Variants in SLC2A4 observed in about 807,000 individuals in gnomAD.
SLC2A4 encodes the protein solute carrier family 2, facilitated glucose transporter member 4.
SLC2A4 carries 31 observed loss-of-function variants against 53.3 expected under a neutral mutation model. The observed-to-expected ratio is 0.58, with a 90% CI of 0.44 to 0.78. The LOEUF is 0.78. Among genes scored for constraint, SLC2A4 ranks in the 30% least tolerant of loss-of-function variants. SLC2A4 has a pLI of 0.00. For synonymous variants in SLC2A4, 276 were observed against 281.9 expected (o/e 0.98, Z 0.21); for missense variants, 538 against 655.7 (o/e 0.82, Z 1.96).
At position 7,286,800 on chromosome 17, in the gene SLC2A4, T is replaced by G; in HGVS notation, c.*171T>G. On this transcript the variant is annotated 3_prime_UTR_variant, in exon 11 of 11. Transcript: ENST00000317370. Reference sequence around the variant, plus strand: ...GAAGGGTGGTCTGAGCACCCCCTCATTCCCCTCGTGTGACTCTCTTGGATT... The same window carrying G: ...GAAGGGTGGTCTGAGCACCCCCTCAGTCCCCTCGTGTGACTCTCTTGGATT... The G allele has an allele frequency of 1.5e-6, 1 of 660,272 alleles. No individual in the cohort carries two copies. The highest frequency in any genetic ancestry group is 2.7e-6 in the Non-Finnish European group (1 of 374,130). The allele number at this position is 660,272 out of a possible 1,614,324, so 40.9% of individuals were successfully genotyped here. A position where few individuals can be genotyped will look rare whatever the true frequency, so the allele number is the denominator to read the frequency against.
At position 7,285,729 on chromosome 17, in the gene SLC2A4, G is replaced by C. The variant is rs121434581; in HGVS notation, c.1147G>C (p.Val383Leu). The part of the protein sequence containing the change: ...LLERVPAMSY[V>L]SIVAIFGFVA... Reference sequence around the variant, plus strand: ...GGAGCGAGTTCCAGCCATGAGCTACGTCTCCATTGTGGCCATCTTTGGCTT... The same window carrying C: ...GGAGCGAGTTCCAGCCATGAGCTACCTCTCCATTGTGGCCATCTTTGGCTT... The change falls in exon 10 of 11, where the codon GTC becomes CTC. Residue 383 changes from valine to leucine, a missense_variant. By Grantham distance (32) the Val-to-Leu change is conservative. Transcript: ENST00000317370. The surrounding 1 kb of genome is among the most constrained non-coding windows in gnomAD (Gnocchi z 6.0). 2 of 1,614,190 alleles carry C rather than the reference G, an allele frequency of 1.2e-6. No homozygotes were observed. Among genetic ancestry groups the C allele is most frequent in the Non-Finnish European group, 1.7e-6 (2 of 1,180,046 alleles).
In SLC2A4 at chr17:7,285,060, T is replaced by G. The variant is rs1449533971; in HGVS notation, c.1021-28T>G. On this transcript the variant is annotated intron_variant, in intron 8 of 10. Transcript: ENST00000317370. This position sits in a 1 kb window ranked among gnomAD's most constrained non-coding sequence, Gnocchi z 6.0. ...CTCCTACTTCCCGTGCCCAAAAGGC[T>G]GGGGTCAAGCTCCGACTCTCCCCGC... 1 of 1,609,236 alleles carries G rather than the reference T, an allele frequency of 6.2e-7. No homozygotes were observed. Among genetic ancestry groups the G allele is most frequent in the Non-Finnish European group, 8.5e-7 (1 of 1,178,224 alleles).
chr17:7,282,669 C>T lies in SLC2A4; in HGVS notation c.34-576C>T, dbSNP rs1034294899. Among the ~76,000 whole-genome samples the T allele has an allele frequency of 6.6e-6, 1 of 152,232 alleles. No homozygotes were observed. The highest frequency in any genetic ancestry group is 2.4e-5 in the African/African-American group (1 of 41,458). On this transcript the variant is annotated intron_variant, in intron 1 of 10. Coordinates refer to ENST00000317370, the MANE Select transcript of SLC2A4 (RefSeq NM_001042.3). This position sits in a 1 kb window ranked among gnomAD's most constrained non-coding sequence, Gnocchi z 4.1. Reference sequence around the variant, plus strand: ...ATAGAGAAGGCCACCCCTAGATGACCGGGATGTCCTTTCTGGAACAGCACT... The same window carrying T: ...ATAGAGAAGGCCACCCCTAGATGACTGGGATGTCCTTTCTGGAACAGCACT...
Position 7,283,269 on chromosome 17 carries a change from G to C in SLC2A4, c.58G>C (p.Val20Leu), listed in dbSNP as rs1230951912. ...SEDGEPPQQR[V>L]TGTLVLAVFS... The stretch of plus-strand genomic sequence containing the variant: ...GGATGGGGAACCCCCTCAGCAGCGA[G>C]TGACTGGGACCCTGGTCCTTGCTGT... The change falls in exon 2 of 11, where the codon GTG (valine) becomes CTG (leucine). Residue 20 changes from valine (V) to leucine (L), a missense_variant. Transcript: ENST00000317370. This position sits in a 1 kb window ranked among gnomAD's most constrained non-coding sequence, Gnocchi z 5.8. 2 of 1,614,040 alleles carry C rather than the reference G, an allele frequency of 1.2e-6. No homozygotes were observed. Among genetic ancestry groups the C allele is most frequent in the African/African-American group, 2.7e-5 (2 of 74,922 alleles).
At position 7,286,531 on chromosome 17, in the gene SLC2A4, C is replaced by A. The variant is rs771389905; in HGVS notation, c.1432C>A (p.Gln478Lys). 4 of 1,614,070 alleles carry A rather than the reference C, an allele frequency of 2.5e-6. No individual in the cohort carries two copies. The highest frequency in any genetic ancestry group is 3.4e-6 in the Non-Finnish European group (4 of 1,180,044). Residue 478 changes from glutamine (Q) to lysine (K), a missense_variant, in exon 11 of 11, where the codon CAG (glutamine) becomes AAG (lysine). Transcript: ENST00000317370. ...TGAAACTCGAGGCCGGACGTTTGAC[C>A]AGATCTCAGCTGCCTTCCACCGGAC... ...VPETRGRTFD[Q>K]ISAAFHRTPS... is the part of the protein sequence containing the mutation.
In SLC2A4 at chr17:7,285,982, C is replaced by A; in HGVS notation, c.1326+74C>A. The A allele has an allele frequency of 7.3e-7, 1 of 1,362,236 alleles. No homozygotes were observed. Among genetic ancestry groups the A allele is most frequent in the Non-Finnish European group, 1.0e-6 (1 of 977,568 alleles). 84.4% of individuals were successfully genotyped at this position (1,362,236 alleles called of 1,614,324 possible). ...TCACACAGCTAGCCCACCTGCTTCC[C>A]CGTCAGGGACTCCTCCAGCCACAGA... On this transcript the variant is annotated intron_variant, in intron 10 of 10. Transcript: ENST00000317370. The surrounding 1 kb of genome is among the most constrained non-coding windows in gnomAD (Gnocchi z 6.0).
chr17:7,281,834 C>T lies in SLC2A4; in HGVS notation c.-101C>T, dbSNP rs1335883829. On this transcript the variant is annotated 5_prime_UTR_variant, in exon 1 of 11. Transcript: ENST00000317370. Reference sequence around the variant, plus strand: ...CCCTCGCACGTCACTCCGGGACCCCCGCGGCCTCCGCAGGTTCTGCGCTCC... The same window carrying T: ...CCCTCGCACGTCACTCCGGGACCCCTGCGGCCTCCGCAGGTTCTGCGCTCC... 2 of 1,279,050 alleles carry T rather than the reference C, an allele frequency of 1.6e-6. No individual in the cohort carries two copies. Among genetic ancestry groups the T allele is most frequent in the Non-Finnish European group, 2.2e-6 (2 of 899,818 alleles). The allele number at this position is 1,279,050 out of a possible 1,614,324, so 79.2% of individuals were successfully genotyped here.
chr17:7,285,416 G>A lies in SLC2A4; in HGVS notation c.1122+227G>A, dbSNP rs2072441409. Among the ~76,000 whole-genome samples the A allele has an allele frequency of 6.6e-6, 1 of 152,220 alleles. No individual in the cohort carries two copies. The highest frequency in any genetic ancestry group is 1.5e-5 in the Non-Finnish European group (1 of 68,034). ...AGCTGTGGCACAACTCTGGCAGCCA[G>A]GAGGGAGAGCCCCTGTCAAGCCTCA... On this transcript the variant is annotated intron_variant, in intron 9 of 10. Coordinates refer to ENST00000317370, the MANE Select transcript of SLC2A4 (RefSeq NM_001042.3). The surrounding 1 kb of genome is among the most constrained non-coding windows in gnomAD (Gnocchi z 6.0).
chr17:7,285,744 A>G lies in SLC2A4; in HGVS notation c.1162A>G (p.Ile388Val). 6.2e-7 allele frequency: 1 copy of G among 1,614,222 alleles called. No homozygotes were observed. The highest frequency in any genetic ancestry group is 8.5e-7 in the Non-Finnish European group (1 of 1,180,038). Reference protein sequence around the residue: ...PAMSYVSIVAIFGFVAFFEIG... With the variant: ...PAMSYVSIVAVFGFVAFFEIG... ...CATGAGCTACGTCTCCATTGTGGCC[A>G]TCTTTGGCTTCGTGGCATTTTTTGA... is the stretch of plus-strand genomic sequence containing the variant. The change falls in exon 10 of 11, where the codon ATC becomes GTC. Residue 388 changes from isoleucine to valine, a missense_variant. Physicochemically the swap from Ile to Val is conservative, Grantham distance 29. Coordinates refer to ENST00000317370, the MANE Select transcript of SLC2A4 (RefSeq NM_001042.3). The surrounding 1 kb of genome is among the most constrained non-coding windows in gnomAD (Gnocchi z 6.0).
chr17:7,286,207 G>A (rs1285474686), intron 10 of SLC2A4: 3 of 656,742 alleles, frequency 4.6e-6, no homozygotes, highest in Non-Finnish European at 5.4e-6. Flanking sequence ...AGTAACTGAG[G>A]ATGGTGAAGA....
rs1038239974 is a variant in SLC2A4, at chr17:7,283,060, G to T, written c.34-185G>T. ...CATCCAGTTTCTCCTTTATGCCCAGGTTGCAGTTCAGCTCCTGTTTACATT... is the reference window on the plus strand; with the variant it reads ...CATCCAGTTTCTCCTTTATGCCCAGTTTGCAGTTCAGCTCCTGTTTACATT... On this transcript the variant is annotated intron_variant, in intron 1 of 10. Transcript: ENST00000317370. The surrounding 1 kb of genome is among the most constrained non-coding windows in gnomAD (Gnocchi z 5.8). 1.2e-5 allele frequency: 8 copies of T among 694,662 alleles called. No individual in the cohort carries two copies. Among genetic ancestry groups the T allele is most frequent in the Non-Finnish European group, 1.1e-5 (4 of 377,496 alleles). 43.0% of individuals were successfully genotyped at this position (694,662 alleles called of 1,614,324 possible).
In SLC2A4 at chr17:7,287,163, C is replaced by T. The variant is rs770097916; in HGVS notation, c.*534C>T. 6.8e-6 allele frequency: 1 copy of T among 148,134 alleles called. No homozygotes were observed. The highest frequency in any genetic ancestry group is 1.9e-4 in the South Asian group (1 of 5,322). 9.2% of individuals were successfully genotyped at this position (148,134 alleles called of 1,614,324 possible). On this transcript the variant is annotated 3_prime_UTR_variant, in exon 11 of 11. Coordinates refer to ENST00000317370, the MANE Select transcript of SLC2A4 (RefSeq NM_001042.3). ...TTTTTTTGAGACAGTCTCGCTCTGT[C>T]GCCCAGGCTCGAGTGCAGTGGCGTG...
At position 7,286,854 on chromosome 17, in the gene SLC2A4, A is replaced by G; in HGVS notation, c.*225A>G. ...TATGTGTTGTGGTTTGGCCGTGGCC[A>G]TCAGGGTGGGCCACTCTCCCCTCCC... On this transcript the variant is annotated 3_prime_UTR_variant, in exon 11 of 11. Transcript: ENST00000317370. 1.9e-6 allele frequency: 1 copy of G among 535,122 alleles called. No individual in the cohort carries two copies. Among genetic ancestry groups the G allele is most frequent in the Non-Finnish European group, 3.4e-6 (1 of 295,112 alleles). The allele number at this position is 535,122 out of a possible 1,614,324, so 33.1% of individuals were successfully genotyped here.
Position 7,282,327 on chromosome 17 carries a change from T to C in SLC2A4, c.33+360T>C, listed in dbSNP as rs933438131. 1 of 497,674 alleles carries C rather than the reference T, an allele frequency of 2.0e-6. No homozygotes were observed. The highest frequency in any genetic ancestry group is 3.9e-6 in the Non-Finnish European group (1 of 254,680). 30.8% of individuals were successfully genotyped at this position (497,674 alleles called of 1,614,324 possible). On this transcript the variant is annotated intron_variant, in intron 1 of 10. Coordinates refer to ENST00000317370, the MANE Select transcript of SLC2A4 (RefSeq NM_001042.3). This position sits in a 1 kb window ranked among gnomAD's most constrained non-coding sequence, Gnocchi z 4.1. ...TTGCCCTCCGGGAGCTGTCCGTCCG[T>C]CTTCGCTCACGGGCAGTGTTTCGAG...
In SLC2A4 at chr17:7,284,754, C is replaced by T. The variant is rs970296991; in HGVS notation, c.916-81C>T. The T allele has an allele frequency of 6.2e-7, 1 of 1,610,532 alleles. No homozygotes were observed. Among genetic ancestry groups the T allele is most frequent in the African/African-American group, 1.3e-5 (1 of 75,004 alleles). On this transcript the variant is annotated intron_variant, in intron 7 of 10. Coordinates refer to ENST00000317370, the MANE Select transcript of SLC2A4 (RefSeq NM_001042.3). This position sits in a 1 kb window ranked among gnomAD's most constrained non-coding sequence, Gnocchi z 7.5. ...GGGAGCAAACCCCCTCCACCAACACCCAGGGTAGGGCCAGCCTGTTGTGGC... is the reference window on the plus strand; with the variant it reads ...GGGAGCAAACCCCCTCCACCAACACTCAGGGTAGGGCCAGCCTGTTGTGGC...
chr17:7,285,722 G>A lies in SLC2A4; in HGVS notation c.1140G>A (p.Met380Ile). The change falls in exon 10 of 11, where the codon ATG (methionine) becomes ATA (isoleucine). Residue 380 changes from methionine to isoleucine, a missense_variant. Coordinates refer to ENST00000317370, the MANE Select transcript of SLC2A4 (RefSeq NM_001042.3). This position sits in a 1 kb window ranked among gnomAD's most constrained non-coding sequence, Gnocchi z 6.0. Reference protein sequence around the residue: ...ALLLLERVPAMSYVSIVAIFG... With the variant: ...ALLLLERVPAISYVSIVAIFG... ...GCCCCTAGGAGCGAGTTCCAGCCAT[G>A]AGCTACGTCTCCATTGTGGCCATCT... 2.5e-6 allele frequency: 4 copies of A among 1,614,210 alleles called. No homozygotes were observed. Among genetic ancestry groups the A allele is most frequent in the Non-Finnish European group, 3.4e-6 (4 of 1,180,040 alleles).
rs2072411311 is a variant in SLC2A4, at chr17:7,282,500, G to T, written c.33+533G>T. 3 of 426,668 alleles carry T rather than the reference G, an allele frequency of 7.0e-6. No individual in the cohort carries two copies. The highest frequency in any genetic ancestry group is 1.4e-5 in the Non-Finnish European group (3 of 210,906). The allele number at this position is 426,668 out of a possible 1,614,324, so 26.4% of individuals were successfully genotyped here. On this transcript the variant is annotated intron_variant, in intron 1 of 10. Coordinates refer to ENST00000317370, the MANE Select transcript of SLC2A4 (RefSeq NM_001042.3). This position sits in a 1 kb window ranked among gnomAD's most constrained non-coding sequence, Gnocchi z 4.1. ...TCAGGTTTCCGCTTGGAGACAGTCT[G>T]TGCCGCCAGCGAGCGGCCACCACTG... is the stretch of plus-strand genomic sequence containing the variant.
chr17:7,284,456 C>T lies in SLC2A4; in HGVS notation c.728-29C>T, dbSNP rs1258433545. 6.2e-7 allele frequency: 1 copy of T among 1,614,126 alleles called. No individual in the cohort carries two copies. Among genetic ancestry groups the T allele is most frequent in the Non-Finnish European group, 8.5e-7 (1 of 1,179,954 alleles). ...GCTAGCACCTGGCTTCCTCTCAGGT[C>T]CCCTCAGGCCTGACCTTCCCTTCTC... On this transcript the variant is annotated intron_variant, in intron 6 of 10. Transcript: ENST00000317370. This position sits in a 1 kb window ranked among gnomAD's most constrained non-coding sequence, Gnocchi z 7.5.
Position 7,286,515 on chromosome 17 carries a change from AG to A in SLC2A4, c.1418del (p.Gly473AlafsTer18). On this transcript the variant is annotated frameshift_variant, in exon 11 of 11. Coordinates refer to ENST00000317370, the MANE Select transcript of SLC2A4 (RefSeq NM_001042.3). LOFTEE classifies it high-confidence loss of function. ...CCTTCTTAAGAGTACCTGAAACTCGAGGCCGGACGTTTGACCAGATCTCAGC... is the reference window on the plus strand; with the variant it reads ...CCTTCTTAAGAGTACCTGAAACTCGAGCCGGACGTTTGACCAGATCTCAGC... ...FTFLRVPETR[G>X]RTFDQISAAF... The A allele has an allele frequency of 6.2e-7, 1 of 1,614,158 alleles. No individual in the cohort carries two copies. The highest frequency in any genetic ancestry group is 8.5e-7 in the Non-Finnish European group (1 of 1,180,016).
Sources: allele counts gnomAD v4.1 joint callset (sites outside exome capture counted in the v4.1 genomes callset), GRCh38; gene constraint gnomAD v4.1.1; non-coding constraint Gnocchi (gnomAD v3.1); transcripts MANE v1.5; gene names NCBI Gene and HGNC (gene_info 2026-07-23, HGNC 2026-07-21).